Variants in GABRB3 observed in about 807,000 individuals in gnomAD.
GABRB3 encodes the protein gamma-aminobutyric acid type A receptor subunit beta3.
Under a neutral mutation model 52.1 loss-of-function variants are expected in GABRB3, and 14 were observed. That is an observed-to-expected ratio of 0.27 (90% confidence interval 0.18 to 0.42). GABRB3 has a LOEUF of 0.42. Ranked by LOEUF, GABRB3 falls within the 10% of genes least tolerant of loss-of-function variation. The probability of loss-of-function intolerance (pLI) is 1.00; values close to 1 mark genes in which losing one functional copy is unlikely to be tolerated. For missense variants in GABRB3, 307 were observed against 609.1 expected (o/e 0.50, Z 5.22); for synonymous variants, 260 against 232.3 (o/e 1.12, Z -1.08).
At chr15:26,755,106 C>A (rs1017216557) in intron 3 of GABRB3, among the ~76,000 whole-genome samples, 1 of 150,004 alleles carries the variant, frequency 6.7e-6, no homozygotes, top group East Asian at 2.0e-4. Context: ...TTGGTTCAAG[C>A]GATTCTCCTG....
chr15:26,546,349 G>C lies in GABRB3; in HGVS notation c.*1444C>G, dbSNP rs370779051. Reference sequence around the variant, plus strand: ...AGATCTCATCTAAATAGTAAGTTAAGGTTGCGTCTATGAAACCGGTGCACC... The same window carrying C: ...AGATCTCATCTAAATAGTAAGTTAACGTTGCGTCTATGAAACCGGTGCACC... On this transcript the variant is annotated 3_prime_UTR_variant, in exon 9 of 9. Transcript: ENST00000311550. The C allele has an allele frequency of 6.6e-6, 1 of 152,010 alleles. No homozygotes were observed. Among genetic ancestry groups the C allele is most frequent in the East Asian group, 1.9e-4 (1 of 5,156 alleles). The allele number at this position is 152,010 out of a possible 1,614,324, so 9.4% of individuals were successfully genotyped here.
chr15:26,754,760 G>A (rs1390603608), intron 3 of GABRB3, among the ~76,000 whole-genome samples: 1 of 152,086 alleles, frequency 6.6e-6, no homozygotes, highest in Non-Finnish European at 1.5e-5. Flanking sequence ...TCAAGGCAAC[G>A]ACACAAAGGA....
intron 3 of GABRB3, among the ~76,000 whole-genome samples, chr15:26,657,470 G>A (rs956703921): frequency 6.6e-6 from 1 of 152,194 alleles, no homozygotes; most frequent in Non-Finnish European, 1.5e-5. Flanking sequence ...ACGGATGGAT[G>A]TTAGGTGACA....
chr15:26,681,653 T>C (rs560098162), intron 3 of GABRB3, among the ~76,000 whole-genome samples: 16 of 152,308 alleles, frequency 1.1e-4, no homozygotes, highest in Non-Finnish European at 2.2e-4. Flanking sequence ...TGGAAATGTA[T>C]TTCCAATGAT....
intron 4 of GABRB3, among the ~76,000 whole-genome samples, chr15:26,585,804 C>T (rs1376538812): frequency 1.3e-5 from 2 of 152,172 alleles, no homozygotes; most frequent in African/African-American, 2.4e-5. Context: ...CAGCATTTAA[C>T]ATTCTAGCCA....
intron 3 of GABRB3, among the ~76,000 whole-genome samples, chr15:26,760,728 C>T (rs1890793172): frequency 2.0e-5 from 3 of 151,658 alleles, no homozygotes; most frequent in South Asian, 4.2e-4. Flanking sequence ...CATAGATAAG[C>T]ACTGTATTTC....
At chr15:26,612,344 TAACTA>T (rs1271159438) in intron 4 of GABRB3, 1 of 152,192 alleles carries the variant, frequency 6.6e-6, no homozygotes, top group Non-Finnish European at 1.5e-5. Context: ...TAATCAGGAT[TAACTA>T]AACTGTTGAA....
intron 3 of GABRB3, among the ~76,000 whole-genome samples, chr15:26,702,735 G>A (rs1888976768): frequency 6.6e-6 from 1 of 152,176 alleles, no homozygotes; most frequent in Middle Eastern, 3.2e-3. Flanking sequence ...GAAAGCATAT[G>A]TCTACACAAA....
intron 3 of GABRB3, among the ~76,000 whole-genome samples, chr15:26,758,310 A>C (rs1890718251): frequency 6.6e-6 from 1 of 152,240 alleles, no homozygotes; most frequent in African/African-American, 2.4e-5. Flanking sequence ...TCAGGAAATT[A>C]GATGTCAATT....
intron 3 of GABRB3, among the ~76,000 whole-genome samples, chr15:26,728,477 G>A (rs1285022424): frequency 2.0e-5 from 3 of 152,160 alleles, no homozygotes; most frequent in Non-Finnish European, 4.4e-5. Context: ...CACTTCTGCT[G>A]AAATTCAAGC....
At chr15:26,644,035 A>C (rs1893283681) in intron 3 of GABRB3, among the ~76,000 whole-genome samples, 1 of 152,114 alleles carries the variant, frequency 6.6e-6, no homozygotes, top group African/African-American at 2.4e-5. Context: ...GAGGGTACCC[A>C]GGGCAGGAGG....
intron 3 of GABRB3, among the ~76,000 whole-genome samples, chr15:26,700,687 CT>C (rs144774838): frequency 0.08 from 12,153 of 152,164 alleles, 1,607 homozygotes; most frequent in African/African-American, 0.28. Context: ...ATTCAACATA[CT>C]AAGAAAAAAA....
At chr15:26,588,397 T>A (rs1479847639) in intron 4 of GABRB3, among the ~76,000 whole-genome samples, 1 of 152,180 alleles carries the variant, frequency 6.6e-6, no homozygotes, top group East Asian at 1.9e-4. Flanking sequence ...ACAACCATAT[T>A]ATAGAGGTAT....
chr15:26,623,455 C>T (rs1202023036), intron 3 of GABRB3, among the ~76,000 whole-genome samples: 2 of 152,228 alleles, frequency 1.3e-5, no homozygotes, highest in Middle Eastern at 3.4e-3. Flanking sequence ...TGGCTAATTC[C>T]GAGAGACGGC....
chr15:26,726,131 C>CCGAA (rs1555379692), intron 3 of GABRB3, among the ~76,000 whole-genome samples: 1 of 151,814 alleles, frequency 6.6e-6, no homozygotes. Flanking sequence ...CTTGGGGATA[C>CCGAA]TGAACTGTAC....
chr15:26,663,448 A>G (rs1396932237), intron 3 of GABRB3, among the ~76,000 whole-genome samples: 1 of 152,206 alleles, frequency 6.6e-6, no homozygotes, highest in African/African-American at 2.4e-5. Flanking sequence ...TAATCGCTAC[A>G]CTGATGTTTT....
At chr15:26,727,983 T>C (rs1051960837) in intron 3 of GABRB3, among the ~76,000 whole-genome samples, 5 of 152,194 alleles carry the variant, frequency 3.3e-5, no homozygotes, top group Non-Finnish European at 5.9e-5. Flanking sequence ...CTAACTAGAA[T>C]ACAATACTTG....
chr15:26,749,744 C>A (rs994757858), intron 3 of GABRB3, among the ~76,000 whole-genome samples: 1 of 151,624 alleles, frequency 6.6e-6, no homozygotes, highest in African/African-American at 2.4e-5. Context: ...GGTCCTTTCG[C>A]GGGGGCTTTT....
intron 3 of GABRB3, among the ~76,000 whole-genome samples, chr15:26,729,870 T>C (rs1889863727): frequency 6.6e-6 from 1 of 152,228 alleles, no homozygotes; most frequent in Non-Finnish European, 1.5e-5. Flanking sequence ...GCATGTTTGT[T>C]TGTAGTCTGT....
Sources: allele counts gnomAD v4.1 joint callset (sites outside exome capture counted in the v4.1 genomes callset), GRCh38; gene constraint gnomAD v4.1.1; transcripts MANE v1.5; gene names NCBI Gene and HGNC (gene_info 2026-07-23, HGNC 2026-07-21).